Variants in ABCG8 observed in about 807,000 individuals in gnomAD.
The protein encoded by ABCG8 is ATP binding cassette subfamily G member 8.
A neutral mutation model predicts 71.3 loss-of-function variants in ABCG8; 81 were observed. That is an observed-to-expected ratio of 1.14 (90% CI 0.95 to 1.37). The LOEUF (loss-of-function observed/expected upper bound fraction) is 1.37, where lower values mean the gene tolerates loss of function less well. Ranked by LOEUF, ABCG8 falls within the 40% of genes most tolerant of loss-of-function variation. ABCG8 has a pLI of 0.00. For synonymous variants in ABCG8, 451 were observed against 354.7 expected (o/e 1.27, Z -3.05); for missense variants, 1,119 against 866.2 (o/e 1.29, Z -3.66).
intron 9 of ABCG8, 115 bp from the exon 10 acceptor site, chr2:43,874,292 A>T: frequency 2.1e-6 from 2 of 972,662 alleles, no homozygotes; most frequent in South Asian, 1.4e-5. Flanking sequence ...AAAAAAAATT[A>T]GAGACTTGGG....
intron 6 of ABCG8, among the ~76,000 whole-genome samples, chr2:43,866,123 G>C (rs1241414094): frequency 6.6e-6 from 1 of 152,036 alleles, no homozygotes; most frequent in African/African-American, 2.4e-5. Context: ...AAATGGTGCT[G>C]GGAAAACTGG....
At chr2:43,863,135 A>C (rs994767361) in intron 6 of ABCG8, among the ~76,000 whole-genome samples, 1 of 151,364 alleles carries the variant, frequency 6.6e-6, no homozygotes, top group African/African-American at 2.4e-5. Flanking sequence ...CACTCTCTGG[A>C]TATAACTCTC....
chr2:43,878,487 A>G lies in ABCG8; in HGVS notation c.*574A>G, dbSNP rs1670033811. On this transcript the variant is annotated 3_prime_UTR_variant, in exon 13 of 13. Transcript: ENST00000272286. Reference sequence around the variant, plus strand: ...ATCTACTCTGTAGCAGGTCCTGTGAAAACACTTTAGGTGGACAATCCCTTG... The same window carrying G: ...ATCTACTCTGTAGCAGGTCCTGTGAGAACACTTTAGGTGGACAATCCCTTG... 5.5e-6 allele frequency: 1 copy of G among 181,528 alleles called. No individual in the cohort carries two copies. The highest frequency in any genetic ancestry group is 1.2e-5 in the Non-Finnish European group (1 of 83,996). The allele number at this position is 181,528 out of a possible 1,614,324, so 11.2% of individuals were successfully genotyped here.
chr2:43,873,052 C>T (rs1201217968), intron 8 of ABCG8, among the ~76,000 whole-genome samples: 1 of 152,158 alleles, frequency 6.6e-6, no homozygotes, highest in Non-Finnish European at 1.5e-5. Flanking sequence ...CCTCTACCTC[C>T]CGTCTGATTG....
At chr2:43,854,069 T>C (rs1378039093) in intron 6 of ABCG8, among the ~76,000 whole-genome samples, 1 of 152,226 alleles carries the variant, frequency 6.6e-6, no homozygotes, top group Non-Finnish European at 1.5e-5. Flanking sequence ...TAATTTAAAG[T>C]AACCCCAGAG....
intron 2 of ABCG8, among the ~76,000 whole-genome samples, chr2:43,845,026 A>G (rs1474174587): frequency 6.6e-6 from 1 of 151,542 alleles, no homozygotes; most frequent in African/African-American, 2.4e-5. Flanking sequence ...GAAATGAACA[A>G]TGTACAATGC....
intron 6 of ABCG8, among the ~76,000 whole-genome samples, chr2:43,865,474 C>G (rs1178090554): frequency 1.3e-5 from 2 of 151,100 alleles, no homozygotes; most frequent in Non-Finnish European, 3.0e-5. Flanking sequence ...TCAGTCTCTG[C>G]ATAGCACTCT....
chr2:43,849,108 A>T (rs1668834586), intron 3 of ABCG8, among the ~76,000 whole-genome samples: 1 of 152,046 alleles, frequency 6.6e-6, no homozygotes, highest in Admixed American at 6.6e-5. Context: ...GCAATGCCAA[A>T]AGTGGTTTCC....
chr2:43,852,271 G>A, intron 4 of ABCG8, 83 bp from the exon 5 acceptor site: 2 of 1,594,724 alleles, frequency 1.3e-6, no homozygotes, highest in Non-Finnish European at 1.7e-6. Context: ...CGGAGGAGCG[G>A]GCGCCTTTAT....
At chr2:43,875,443 C>T in intron 11 of ABCG8, 30 bp downstream of exon 11, 1 of 1,606,614 alleles carries the variant, frequency 6.2e-7, no homozygotes, top group Non-Finnish European at 8.5e-7. Context: ...CCTGGGCCAG[C>T]TTTGTTAGGA....
At chr2:43,865,042 T>TTTTCACTCTCTGGATAGAAC (rs1669475742) in intron 6 of ABCG8, among the ~76,000 whole-genome samples, 1 of 151,944 alleles carries the variant, frequency 6.6e-6, no homozygotes, top group African/African-American at 2.4e-5. Context: ...CTGGATAGAA[T>TTTTCACTCTCTGGATAGAAC]TCTCACTCTC....
chr2:43,847,080 C>T (rs192504530), intron 3 of ABCG8: 11 of 153,362 alleles, frequency 7.2e-5, no homozygotes, highest in East Asian at 5.8e-4. Flanking sequence ...GAGGGATTCT[C>T]GTAAGGACAC....
Position 43,852,588 on chromosome 2 carries a change from G to T in ABCG8, c.695-11G>T, listed in dbSNP as rs890766363. On this transcript the variant is annotated splice_polypyrimidine_tract_variant and intron_variant, in intron 5 of 12. Transcript: ENST00000272286. Reference sequence around the variant, plus strand: ...CCACCGACTCACCAGGCTCCTCTCTGTGTTGGAAAGGAATCCTTATTCTCG... The same window carrying T: ...CCACCGACTCACCAGGCTCCTCTCTTTGTTGGAAAGGAATCCTTATTCTCG... The T allele has an allele frequency of 6.2e-7, 1 of 1,614,162 alleles. No individual in the cohort carries two copies. Among genetic ancestry groups the T allele is most frequent in the South Asian group, 1.1e-5 (1 of 91,082 alleles).
rs17031742 is a variant in ABCG8, at chr2:43,874,745, T to C, written c.1488+262T>C. Among the ~76,000 whole-genome samples the C allele has an allele frequency of 0.057, 8,646 of 152,256 alleles. 290 individuals are homozygous for C. The highest frequency in any genetic ancestry group is 0.095 in the African/African-American group (3,943 of 41,554). ...GGAATCTAAAAAAAAGAAGTCCTCA[T>C]TGTATTTTACCTTTTCAGAGCCTCA... On this transcript the variant is annotated intron_variant, in intron 10 of 12. Transcript: ENST00000272286.
At chr2:43,843,299 G>T (rs1414963837) in intron 1 of ABCG8, among the ~76,000 whole-genome samples, 2 of 152,210 alleles carry the variant, frequency 1.3e-5, no homozygotes, top group South Asian at 2.1e-4. Context: ...AATGTATAGT[G>T]TGAGAATGGT....
Position 43,877,685 on chromosome 2 carries a change from T to TA in ABCG8, c.1884dup (p.Ile629AsnfsTer103). ...ACCTCACCATCGCGGTCTCAGGAGA[T>TA]AAAGTAAGCGGGGAAGGCCTCGGGT... On this transcript the variant is annotated frameshift_variant, in exon 12 of 13. Transcript: ENST00000272286. LOFTEE classifies it high-confidence loss of function. 6.2e-7 allele frequency: 1 copy of TA among 1,613,962 alleles called. No homozygotes were observed. The highest frequency in any genetic ancestry group is 8.5e-7 in the Non-Finnish European group (1 of 1,179,968).
At chr2:43,853,896 C>T (rs1042524439) in intron 6 of ABCG8, among the ~76,000 whole-genome samples, 5 of 152,120 alleles carry the variant, frequency 3.3e-5, no homozygotes, top group African/African-American at 4.8e-5. Flanking sequence ...GAGGACAGGC[C>T]GCCCCTTGCC....
intron 3 of ABCG8, chr2:43,846,990 GCACA>G (rs368330289): frequency 0.028 from 3,091 of 110,886 alleles, 43 homozygotes; most frequent in South Asian, 0.042. Context: ...ACGCGCGCGT[GCACA>G]CACACACACA....
In ABCG8 at chr2:43,871,965, C is replaced by T. The variant is rs748803910; in HGVS notation, c.965-11C>T. 2 of 1,613,986 alleles carry T rather than the reference C, an allele frequency of 1.2e-6. No individual in the cohort carries two copies. Among genetic ancestry groups the T allele is most frequent in the African/African-American group, 1.3e-5 (1 of 75,048 alleles). Reference sequence around the variant, plus strand: ...ACAGGCCACCTGTGACTCCACATCCCCTGCTTGCAGTGGACCTGACCAGCA... The same window carrying T: ...ACAGGCCACCTGTGACTCCACATCCTCTGCTTGCAGTGGACCTGACCAGCA... On this transcript the variant is annotated splice_polypyrimidine_tract_variant and intron_variant, in intron 6 of 12. Coordinates refer to ENST00000272286, the MANE Select transcript of ABCG8 (RefSeq NM_022437.3).
Sources: allele counts gnomAD v4.1 joint callset (sites outside exome capture counted in the v4.1 genomes callset), GRCh38; gene constraint gnomAD v4.1.1; transcripts MANE v1.5; gene names NCBI Gene and HGNC (gene_info 2026-07-23, HGNC 2026-07-21).